The following YBX3 variants were observed in gnomAD, a reference collection of about 807,000 sequenced individuals.
YBX3 encodes the protein Y-box-binding protein 3.
In YBX3, 29 loss-of-function variants were observed where a neutral mutation model predicts 42.4. The observed-to-expected ratio is 0.68, with a 90% CI of 0.51 to 0.93. The LOEUF (loss-of-function observed/expected upper bound fraction) is 0.93, where lower values mean the gene tolerates loss of function less well. Ranked by LOEUF, YBX3 falls within the 40% of genes least tolerant of loss-of-function variation. The pLI, the probability that YBX3 is intolerant of heterozygous loss-of-function variation, is 0.00. For synonymous variants in YBX3, 195 were observed against 189.8 expected (o/e 1.03, Z -0.22); for missense variants, 517 against 527.5 (o/e 0.98, Z 0.19).
intron 2 of YBX3, among the ~76,000 whole-genome samples, chr12:10,718,603 C>T (rs898012142): frequency 1.7e-4 from 26 of 151,882 alleles, no homozygotes; most frequent in African/African-American, 6.3e-4. Context: ...CATGTGAAAA[C>T]CTCATAATAC....
chr12:10,705,284 G>A (rs1441114171), intron 6 of YBX3, among the ~76,000 whole-genome samples: 2 of 152,056 alleles, frequency 1.3e-5, no homozygotes, highest in Non-Finnish European at 2.9e-5. Flanking sequence ...TAGTACAGAC[G>A]GGGTTTCATC....
chr12:10,713,332 C>T lies in YBX3; in HGVS notation c.452G>A (p.Gly151Asp). The change falls in exon 5 of 10, where the codon GGT (glycine) becomes GAT (aspartate). Residue 151 changes from glycine (G) to aspartate (D), a missense_variant and splice_region_variant. Physicochemically the swap from Gly to Asp is moderately conservative, Grantham distance 94. Coordinates refer to ENST00000228251, the MANE Select transcript of YBX3 (RefSeq NM_003651.5). ...GCCAGTCACATTGGCAGCTTCTGCA[C>T]CCTGAGAAGAAAATAAAAAGATGGC... is the stretch of plus-strand genomic sequence containing the variant. Reference protein sequence around the residue: ...VEFDVVEGEKGAEAANVTGPD... With the variant: ...VEFDVVEGEKDAEAANVTGPD... 1 of 1,610,084 alleles carries T rather than the reference C, an allele frequency of 6.2e-7. No homozygotes were observed. Among genetic ancestry groups the T allele is most frequent in the East Asian group, 2.2e-5 (1 of 44,848 alleles).
At chr12:10,708,318 AT>A (rs11331679) in intron 6 of YBX3, among the ~76,000 whole-genome samples, 29,808 of 150,732 alleles carry the variant, frequency 0.2, 3,417 homozygotes, top group East Asian at 0.52. Flanking sequence ...ATATATTCCT[AT>A]TTTTTTTTTC....
chr12:10,723,094 C>T lies in YBX3; in HGVS notation c.18G>A (p.Glu6=). The T allele has an allele frequency of 8.3e-7, 1 of 1,205,360 alleles. No homozygotes were observed. Among genetic ancestry groups the T allele is most frequent in the Non-Finnish European group, 1.0e-6 (1 of 972,378 alleles). The allele number at this position is 1,205,360 out of a possible 1,614,324, so 74.7% of individuals were successfully genotyped here. MSEAG[E]ATTTTTTTLP... ...GGGTGGTGGTGGTGGTGGTGGTGGC[C>T]TCGCCCGCCTCACTCATGCCTCCTC... The change falls in exon 1 of 10, where the codon GAG becomes GAA. Residue 6 remains glutamate (E), a synonymous_variant. Transcript: ENST00000228251.
Position 10,699,180 on chromosome 12 carries a change from C to T in YBX3, c.*509G>A, listed in dbSNP as rs1289578924. The T allele has an allele frequency of 6.6e-6, 1 of 152,356 alleles. No individual in the cohort carries two copies. The highest frequency in any genetic ancestry group is 1.5e-5 in the Non-Finnish European group (1 of 67,978). The allele number at this position is 152,356 out of a possible 1,614,324, so 9.4% of individuals were successfully genotyped here. On this transcript the variant is annotated 3_prime_UTR_variant, in exon 10 of 10. Coordinates refer to ENST00000228251, the MANE Select transcript of YBX3 (RefSeq NM_003651.5). Reference sequence around the variant, plus strand: ...TAAGAAAGCAAAAATGTTATCCTCCCCTCATCCTAGAAATAAATAAGAAGG... The same window carrying T: ...TAAGAAAGCAAAAATGTTATCCTCCTCTCATCCTAGAAATAAATAAGAAGG...
intron 5 of YBX3, chr12:10,711,341 A>T (rs1362168472): frequency 6.6e-6 from 1 of 152,050 alleles, no homozygotes; most frequent in Non-Finnish European, 1.5e-5. Context: ...TTTTTTTTAC[A>T]GGAGTGTATT....
intron 1 of YBX3, among the ~76,000 whole-genome samples, chr12:10,719,619 C>T (rs780153614): frequency 6.6e-6 from 1 of 152,162 alleles, no homozygotes; most frequent in Non-Finnish European, 1.5e-5. Context: ...TCTACAAAGA[C>T]GTAAAGCAAC....
At chr12:10,700,106 C>A (rs1394769651) in intron 9 of YBX3, among the ~76,000 whole-genome samples, 1 of 152,010 alleles carries the variant, frequency 6.6e-6, no homozygotes, top group Non-Finnish European at 1.5e-5. Context: ...AAGGGTATGG[C>A]CATTTTTATA....
At position 10,723,201 on chromosome 12, in the gene YBX3, T is replaced by G; in HGVS notation, c.-90A>C. ...GGTGGTCGCGGCGGCCGGGGCTCGC[T>G]CTCGGGGAGGCCGGGGCGGATCTCG... On this transcript the variant is annotated 5_prime_UTR_variant, in exon 1 of 10. Coordinates refer to ENST00000228251, the MANE Select transcript of YBX3 (RefSeq NM_003651.5). 8.5e-7 allele frequency: 1 copy of G among 1,172,896 alleles called. No individual in the cohort carries two copies. Among genetic ancestry groups the G allele is most frequent in the Non-Finnish European group, 1.1e-6 (1 of 950,758 alleles). The allele number at this position is 1,172,896 out of a possible 1,614,324, so 72.7% of individuals were successfully genotyped here.
chr12:10,723,303 G>A lies in YBX3; in HGVS notation c.-192C>T, dbSNP rs1480170712. On this transcript the variant is annotated 5_prime_UTR_variant, in exon 1 of 10. Coordinates refer to ENST00000228251, the MANE Select transcript of YBX3 (RefSeq NM_003651.5). ...GCTTCGTGCTGCGCGCTCTCTCTTGGGCTCCTCGCTCGATCTTACTGCCCC... is the reference window on the plus strand; with the variant it reads ...GCTTCGTGCTGCGCGCTCTCTCTTGAGCTCCTCGCTCGATCTTACTGCCCC... The A allele has an allele frequency of 2.2e-6, 2 of 924,206 alleles. No homozygotes were observed. Among genetic ancestry groups the A allele is most frequent in the African/African-American group, 1.8e-5 (1 of 57,108 alleles). 57.3% of individuals were successfully genotyped at this position (924,206 alleles called of 1,614,324 possible). A position where few individuals can be genotyped will look rare whatever the true frequency, so the allele number is the denominator to read the frequency against.
At position 10,723,228 on chromosome 12, in the gene YBX3, G is replaced by A; in HGVS notation, c.-117C>T. On this transcript the variant is annotated 5_prime_UTR_variant, in exon 1 of 10. Coordinates refer to ENST00000228251, the MANE Select transcript of YBX3 (RefSeq NM_003651.5). ...TCGGGGAGGCCGGGGCGGATCTCGCGGCGCAGGCGGCGGCGGCCGAGGTGG... is the reference window on the plus strand; with the variant it reads ...TCGGGGAGGCCGGGGCGGATCTCGCAGCGCAGGCGGCGGCGGCCGAGGTGG... 1.7e-6 allele frequency: 2 copies of A among 1,169,436 alleles called. No homozygotes were observed. The highest frequency in any genetic ancestry group is 2.1e-6 in the Non-Finnish European group (2 of 947,780). 72.4% of individuals were successfully genotyped at this position (1,169,436 alleles called of 1,614,324 possible).
At chr12:10,716,356 T>C (rs1948262225) in intron 3 of YBX3, among the ~76,000 whole-genome samples, 1 of 152,122 alleles carries the variant, frequency 6.6e-6, no homozygotes, top group Admixed American at 6.5e-5. Context: ...CCAGGGATGA[T>C]GGGGGAAGTG....
intron 6 of YBX3, 137 bp downstream of exon 6, chr12:10,709,771 T>A (rs1365029663): frequency 1.9e-6 from 2 of 1,075,722 alleles, no homozygotes; most frequent in Non-Finnish European, 2.8e-6. Flanking sequence ...ACTGAAGGCC[T>A]TGCCTCAGCT....
At chr12:10,716,366 G>A (rs1948262464) in intron 3 of YBX3, among the ~76,000 whole-genome samples, 1 of 152,154 alleles carries the variant, frequency 6.6e-6, no homozygotes, top group Non-Finnish European at 1.5e-5. Context: ...TGGGGGAAGT[G>A]GAGGAGGGGG....
chr12:10,719,391 A>AT (rs1217834651), intron 1 of YBX3, among the ~76,000 whole-genome samples: 1 of 152,244 alleles, frequency 6.6e-6, no homozygotes, highest in Non-Finnish European at 1.5e-5. Context: ...AGGAGTGGTT[A>AT]TAAGTCTATA....
At chr12:10,706,521 T>C (rs549265605) in intron 6 of YBX3, among the ~76,000 whole-genome samples, 25 of 152,342 alleles carry the variant, frequency 1.6e-4, no homozygotes, top group African/African-American at 5.8e-4. Context: ...TCTCTACTTA[T>C]CAACAAGCAT....
chr12:10,712,100 G>A (rs10772355), intron 5 of YBX3: 96,398 of 152,098 alleles, frequency 0.63, 31,291 homozygotes, highest in East Asian at 0.75. Flanking sequence ...GGCAGAATAA[G>A]GAGGAAAAGC....
chr12:10,718,486 CT>C (rs1732532986), intron 2 of YBX3: 2 of 192,226 alleles, frequency 1.0e-5, no homozygotes, highest in Non-Finnish European at 2.1e-5. Context: ...GAACTAGGCT[CT>C]CCTTACACTG....
chr12:10,701,906 T>G (rs1948083783), intron 8 of YBX3, 54 bp downstream of exon 8: 1 of 1,548,370 alleles, frequency 6.5e-7, no homozygotes. Context: ...AATGCTAAAG[T>G]CTGACATGAT....
Sources: gnomAD v4.1 joint callset for allele counts (sites outside exome capture counted in the v4.1 genomes callset) on GRCh38, gnomAD v4.1.1 for gene constraint, MANE v1.5 for transcripts, NCBI Gene and HGNC (gene_info 2026-07-23, HGNC 2026-07-21) for gene names.